Variants in ABTB2 observed in about 807,000 individuals in gnomAD.
The protein encoded by ABTB2 is ankyrin repeat and BTB/POZ domain-containing protein 2.
ABTB2 carries 56 observed loss-of-function variants against 104.1 expected under a neutral mutation model. That is an observed-to-expected ratio of 0.54 (90% confidence interval 0.43 to 0.67). The LOEUF (loss-of-function observed/expected upper bound fraction) is 0.67, where lower values mean the gene tolerates loss of function less well. ABTB2 is among the 30% of genes least tolerant of loss of function. The pLI is 0.00. For synonymous variants in ABTB2, 606 were observed against 608.2 expected (o/e 1.00, Z 0.05); for missense variants, 1,279 against 1,407.7 (o/e 0.91, Z 1.46).
intron 1 of ABTB2, among the ~76,000 whole-genome samples, chr11:34,218,295 T>C (rs2133048668): frequency 6.6e-6 from 1 of 152,346 alleles, no homozygotes; most frequent in East Asian, 1.9e-4. Context: ...CTAATTTTGA[T>C]AAAGTGCAGC....
chr11:34,215,142 T>C (rs1438344403), intron 1 of ABTB2, among the ~76,000 whole-genome samples: 2 of 152,200 alleles, frequency 1.3e-5, no homozygotes, highest in African/African-American at 4.8e-5. Flanking sequence ...ATTCTACAGC[T>C]ACAGTGGCCG....
At chr11:34,238,702 C>T (rs559518750) in intron 1 of ABTB2, among the ~76,000 whole-genome samples, 4 of 152,172 alleles carry the variant, frequency 2.6e-5, no homozygotes, top group Non-Finnish European at 5.9e-5. Context: ...GGATTCAAGC[C>T]TCGCTCTTTC....
Position 34,152,475 on chromosome 11 carries a change from C to T in ABTB2, c.2990G>A (p.Ser997Asn). ...CAGTGGATCCAGGCCCTGCACTTTG[C>T]TGCTGCGGCCGTAGATGAGCTGCCG... is the stretch of plus-strand genomic sequence containing the variant. ...AFRQLIYGRS[S>N]KVQGLDPLQD... Residue 997 changes from serine (S) to asparagine (N), a missense_variant, in exon 17 of 17, where the codon AGC (serine) becomes AAC (asparagine). Ser to Asn is a conservative substitution (Grantham distance 46, BLOSUM62 1). Transcript: ENST00000435224. The T allele has an allele frequency of 6.2e-7, 1 of 1,605,284 alleles. No homozygotes were observed. The highest frequency in any genetic ancestry group is 8.5e-7 in the Non-Finnish European group (1 of 1,177,038).
intron 1 of ABTB2, among the ~76,000 whole-genome samples, chr11:34,284,570 G>C (rs1240251725): frequency 1.3e-5 from 2 of 152,216 alleles, no homozygotes; most frequent in Non-Finnish European, 2.9e-5. Flanking sequence ...GCTGACGCTG[G>C]AAGAAAAGGT....
At chr11:34,346,240 C>T (rs1344104336) in intron 1 of ABTB2, among the ~76,000 whole-genome samples, 1 of 152,146 alleles carries the variant, frequency 6.6e-6, no homozygotes. Flanking sequence ...TGTCTCTGTC[C>T]CACATCGTAT....
chr11:34,299,790 C>T (rs755373698), intron 1 of ABTB2, among the ~76,000 whole-genome samples: 3 of 152,240 alleles, frequency 2.0e-5, no homozygotes, highest in Admixed American at 6.5e-5. Flanking sequence ...AAGAGGGCTA[C>T]AAAGCCAGAA....
At chr11:34,347,947 C>T (rs761486312) in intron 1 of ABTB2, among the ~76,000 whole-genome samples, 1 of 152,176 alleles carries the variant, frequency 6.6e-6, no homozygotes, top group Non-Finnish European at 1.5e-5. Flanking sequence ...ATTAAGAATC[C>T]TGCTTTGGCA....
At chr11:34,224,263 GC>G (rs986785748) in intron 1 of ABTB2, among the ~76,000 whole-genome samples, 1 of 151,958 alleles carries the variant, frequency 6.6e-6, no homozygotes, top group African/African-American at 2.4e-5. Flanking sequence ...TTTTGCTTCG[GC>G]CTCCCAAAGT....
intron 3 of ABTB2, among the ~76,000 whole-genome samples, chr11:34,190,985 T>G (rs999116596): frequency 1.3e-5 from 2 of 152,216 alleles, no homozygotes; most frequent in Admixed American, 1.3e-4. Context: ...ATCTTCACCA[T>G]TTTACTGATG....
At chr11:34,320,959 G>A (rs1166897721) in intron 1 of ABTB2, among the ~76,000 whole-genome samples, 2 of 152,090 alleles carry the variant, frequency 1.3e-5, no homozygotes, top group Non-Finnish European at 2.9e-5. Context: ...GAGGTGGGTG[G>A]ATCACCTGAG....
intron 3 of ABTB2, among the ~76,000 whole-genome samples, chr11:34,184,332 C>G (rs1413050069): frequency 6.6e-6 from 1 of 152,162 alleles, no homozygotes; most frequent in Non-Finnish European, 1.5e-5. Context: ...CACGGCAGCC[C>G]GGGGCCAAGG....
At chr11:34,338,114 C>T (rs1317926135) in intron 1 of ABTB2, among the ~76,000 whole-genome samples, 1 of 152,148 alleles carries the variant, frequency 6.6e-6, no homozygotes, top group Non-Finnish European at 1.5e-5. Context: ...GGCACAGTGG[C>T]TCACACCTGT....
rs74725743 is a variant in ABTB2, at chr11:34,333,372, T to A, written c.883+23329A>T. ...TGTGCATTTAAGACTCTGGTCTTTATGCATCCCAATCTATACTAAAGGAGA... is the reference window on the plus strand; with the variant it reads ...TGTGCATTTAAGACTCTGGTCTTTAAGCATCCCAATCTATACTAAAGGAGA... On this transcript the variant is annotated intron_variant, in intron 1 of 16. Transcript: ENST00000435224. 1.1e-3 allele frequency among the ~76,000 whole-genome samples: 166 copies of A among 152,268 alleles called. 1 individual carries two copies. Among genetic ancestry groups the A allele is most frequent in the African/African-American group, 3.9e-3 (163 of 41,558 alleles).
chr11:34,152,631 C>A (rs772043041), intron 16 of ABTB2, 47 bp from the exon 17 acceptor site: 1 of 1,534,014 alleles, frequency 6.5e-7, no homozygotes, highest in Non-Finnish European at 8.9e-7. Flanking sequence ...CTTAGTACAG[C>A]CCCACTCACC....
chr11:34,161,653 A>G (rs759470448), intron 10 of ABTB2, among the ~76,000 whole-genome samples: 1 of 152,110 alleles, frequency 6.6e-6, no homozygotes, highest in Non-Finnish European at 1.5e-5. Context: ...CCAGGCACAT[A>G]ATGACTGTTT....
rs143780131 is a variant in ABTB2 at position 34,262,316 on chromosome 11, T to C, written c.884-57626A>G. Among the ~76,000 whole-genome samples, 5 of 152,288 alleles carry C rather than the reference T, an allele frequency of 3.3e-5. No individual in the cohort carries two copies. The South Asian group carries it at 6.2e-4, about 19-fold the overall frequency. ...GCAATTTAAGGGGCTTGGACTCTCA[T>C]GATTTCCAATCTGGGTACCTCCCCT... is the stretch of plus-strand genomic sequence containing the variant. On this transcript the variant is annotated intron_variant, in intron 1 of 16. Transcript: ENST00000435224.
At chr11:34,266,796 G>C (rs1854256773) in intron 1 of ABTB2, among the ~76,000 whole-genome samples, 1 of 152,018 alleles carries the variant, frequency 6.6e-6, no homozygotes, top group Non-Finnish European at 1.5e-5. Context: ...GCCCTCTGTA[G>C]ACATGTGGTA....
At chr11:34,344,671 AT>A (rs35007087) in intron 1 of ABTB2, among the ~76,000 whole-genome samples, 2 of 151,936 alleles carry the variant, frequency 1.3e-5, no homozygotes, top group South Asian at 2.1e-4. Context: ...TAGTTTTTGT[AT>A]TTTTTTGTAG....
At chr11:34,157,089 C>T (rs1056734584) in intron 14 of ABTB2, among the ~76,000 whole-genome samples, 1 of 152,190 alleles carries the variant, frequency 6.6e-6, no homozygotes, top group African/African-American at 2.4e-5. Flanking sequence ...TATTTAGGGG[C>T]TGCTGGAAAA....
Sources: allele counts gnomAD v4.1 joint callset (sites outside exome capture counted in the v4.1 genomes callset), GRCh38; gene constraint gnomAD v4.1.1; transcripts MANE v1.5; gene names NCBI Gene and HGNC (gene_info 2026-07-23, HGNC 2026-07-21).